Variants in TBX21 observed in about 807,000 individuals in gnomAD.
The protein encoded by TBX21 is T-box transcription factor 21.
A neutral mutation model predicts 52.2 loss-of-function variants in TBX21; 11 were observed. That is an observed-to-expected ratio of 0.21 (90% CI 0.13 to 0.35). The LOEUF is 0.35. Among genes scored for constraint, TBX21 ranks in the 10% least tolerant of loss-of-function variants. The probability of loss-of-function intolerance (pLI) is 1.00; values close to 1 mark genes in which losing one functional copy is unlikely to be tolerated. For synonymous variants in TBX21, 300 were observed against 316.1 expected (o/e 0.95, Z 0.54); for missense variants, 625 against 755.1 (o/e 0.83, Z 2.02).
chr17:47,741,980 AT>A (rs1424624552), intron 1 of TBX21, among the ~76,000 whole-genome samples: 5 of 152,150 alleles, frequency 3.3e-5, no homozygotes, highest in Non-Finnish European at 7.3e-5. Flanking sequence ...TACCTCCTCC[AT>A]GCAGCTGCGA....
rs1025932992 is a variant in TBX21, at chr17:47,739,258, C to T, written c.492-3352C>T. ...TGATTCTAGACTTTTAGGGAGAAAC[C>T]GAGATCTCCTTTCTCTTCTCCCTTT... On this transcript the variant is annotated intron_variant, in intron 1 of 5. Coordinates refer to ENST00000177694, the MANE Select transcript of TBX21 (RefSeq NM_013351.2). 9.2e-5 allele frequency among the ~76,000 whole-genome samples: 14 copies of T among 152,240 alleles called. No homozygotes were observed. The East Asian group carries it at 2.3e-3, about 25-fold the overall frequency.
chr17:47,738,318 C>A (rs149344685), intron 1 of TBX21, among the ~76,000 whole-genome samples: 1 of 151,938 alleles, frequency 6.6e-6, no homozygotes, highest in Non-Finnish European at 1.5e-5. Context: ...TCACCATGTC[C>A]GGCTAATTGT....
At chr17:47,740,404 T>G (rs1372125793) in intron 1 of TBX21, among the ~76,000 whole-genome samples, 1 of 152,128 alleles carries the variant, frequency 6.6e-6, no homozygotes, top group Non-Finnish European at 1.5e-5. Flanking sequence ...AGAGGAAAGA[T>G]GGACAGGAGT....
At chr17:47,741,716 C>T (rs749406362) in intron 1 of TBX21, among the ~76,000 whole-genome samples, 1 of 152,060 alleles carries the variant, frequency 6.6e-6, no homozygotes, top group East Asian at 1.9e-4. Context: ...GGAACTGAGG[C>T]GTGAGGACCT....
intron 3 of TBX21, 125 bp downstream of exon 3, chr17:47,743,317 G>C (rs559394882): frequency 7.4e-7 from 1 of 1,356,094 alleles, no homozygotes; most frequent in African/African-American, 1.5e-5. Context: ...CAGGAAGGAA[G>C]GTTCGTTTTT....
At chr17:47,735,346 G>A (rs1482731704) in intron 1 of TBX21, among the ~76,000 whole-genome samples, 2 of 152,178 alleles carry the variant, frequency 1.3e-5, no homozygotes, top group Admixed American at 6.5e-5. Context: ...GAAAGTTGGC[G>A]TGTTCTTTGA....
At chr17:47,743,339 A>C in intron 3 of TBX21, 147 bp downstream of exon 3, 1 of 1,123,960 alleles carries the variant, frequency 8.9e-7, no homozygotes, top group Non-Finnish European at 1.2e-6. Context: ...TTCTGTCCTA[A>C]ACGAAGGGTC....
At chr17:47,741,217 G>A (rs960868598) in intron 1 of TBX21, among the ~76,000 whole-genome samples, 1 of 151,894 alleles carries the variant, frequency 6.6e-6, no homozygotes, top group Non-Finnish European at 1.5e-5. Flanking sequence ...GGTGGTGCCC[G>A]TGCTGGTGCT....
chr17:47,736,264 A>G (rs1034410419), intron 1 of TBX21, among the ~76,000 whole-genome samples: 3 of 152,196 alleles, frequency 2.0e-5, no homozygotes, highest in South Asian at 2.1e-4. Flanking sequence ...ACAGTTGTCA[A>G]TATGGGTCCA....
intron 5 of TBX21, 86 bp from the exon 6 acceptor site, chr17:47,744,662 T>G (rs1597986366): frequency 6.3e-7 from 1 of 1,597,900 alleles, no homozygotes; most frequent in Non-Finnish European, 8.5e-7. Context: ...GGAAGGAGGG[T>G]CGGAGAAGGA....
chr17:47,740,283 G>C (rs909971906), intron 1 of TBX21, among the ~76,000 whole-genome samples: 2 of 152,014 alleles, frequency 1.3e-5, no homozygotes, highest in Non-Finnish European at 2.9e-5. Context: ...GGCCAGGCTG[G>C]TCTCGAACTC....
In TBX21 at chr17:47,733,294, G is replaced by A. The variant is rs1048062988; in HGVS notation, c.-161G>A. 3.0e-6 allele frequency: 3 copies of A among 1,013,304 alleles called. No individual in the cohort carries two copies. In the African/African-American group the frequency reaches 5.1e-5, roughly 17 times the overall value. 62.8% of individuals were successfully genotyped at this position (1,013,304 alleles called of 1,614,324 possible). ...AGCTGCCGCGCGCCTGCCGGACGAG[G>A]GCGTAGAAGCCAGGCGTCAGAGCCC... On this transcript the variant is annotated 5_prime_UTR_variant, in exon 1 of 6. Transcript: ENST00000177694. The surrounding 1 kb of genome is among the most constrained non-coding windows in gnomAD (Gnocchi z 6.6).
At chr17:47,739,639 G>T (rs1339134683) in intron 1 of TBX21, among the ~76,000 whole-genome samples, 2 of 151,954 alleles carry the variant, frequency 1.3e-5, no homozygotes, top group Non-Finnish European at 2.9e-5. Flanking sequence ...GGCGCCTGTA[G>T]TCCCAGCTAC....
intron 1 of TBX21, among the ~76,000 whole-genome samples, chr17:47,735,868 C>T (rs893223242): frequency 3.3e-5 from 5 of 152,210 alleles, no homozygotes; most frequent in African/African-American, 1.2e-4. Flanking sequence ...GACTTCCCAC[C>T]CTGGGCCCTT....
chr17:47,740,726 T>C (rs945880191), intron 1 of TBX21, among the ~76,000 whole-genome samples: 14 of 152,168 alleles, frequency 9.2e-5, no homozygotes, highest in African/African-American at 3.1e-4. Flanking sequence ...CGAAACTCCA[T>C]TTCAAAAAGA....
intron 3 of TBX21, 78 bp from the exon 4 acceptor site, chr17:47,744,117 G>A (rs1182796730): frequency 1.3e-6 from 2 of 1,561,670 alleles, no homozygotes; most frequent in East Asian, 4.5e-5. Flanking sequence ...CCTCACGTGG[G>A]GCCAGCTGTT....
In TBX21 at chr17:47,733,782, G is replaced by T. The variant is rs755733670; in HGVS notation, c.328G>T (p.Ala110Ser). 5 of 1,547,852 alleles carry T rather than the reference G, an allele frequency of 3.2e-6. No individual in the cohort carries two copies. In the South Asian group the frequency reaches 4.7e-5, roughly 15 times the overall value. Residue 110 changes from alanine to serine, a missense_variant, in exon 1 of 6, where the codon GCC becomes TCC. Ala to Ser is a moderately conservative substitution (Grantham distance 99, BLOSUM62 1). Transcript: ENST00000177694. This position sits in a 1 kb window ranked among gnomAD's most constrained non-coding sequence, Gnocchi z 6.6. ...CTACCAGCCGGGCGAGGGCTACGCC[G>T]CCCCGGACCCGCGCGCCGGGCTCTA... ...EGYQPGEGYA[A>S]PDPRAGLYPG...
chr17:47,733,637 C>G lies in TBX21; in HGVS notation c.183C>G (p.Gly61=). The change falls in exon 1 of 6, where the codon GGC becomes GGG. Residue 61 remains glycine, a synonymous_variant. Transcript: ENST00000177694. The surrounding 1 kb of genome is among the most constrained non-coding windows in gnomAD (Gnocchi z 6.6). The part of the protein sequence containing the change: ...GGSLGSPYPG[G]ALVPAPPSRF... ...GCCTGGGGTCTCCCTACCCGGGGGGCGCCTTGGTGCCCGCCCCGCCGAGCC... is the reference window on the plus strand; with the variant it reads ...GCCTGGGGTCTCCCTACCCGGGGGGGGCCTTGGTGCCCGCCCCGCCGAGCC... 1.4e-6 allele frequency: 2 copies of G among 1,447,684 alleles called. No individual in the cohort carries two copies. Among genetic ancestry groups the G allele is most frequent in the East Asian group, 3.0e-5 (1 of 32,862 alleles). 89.7% of individuals were successfully genotyped at this position (1,447,684 alleles called of 1,614,324 possible).
In TBX21 at chr17:47,742,682, C is replaced by A. The variant is rs372718508; in HGVS notation, c.564C>A (p.Asp188Glu). The part of the protein sequence containing the change: ...EPTSHYRMFV[D>E]VVLVDQHHWR... ...CCAGCCACTACAGGATGTTTGTGGA[C>A]GTGGTCTTGGTGGACCAGCACCACT... Residue 188 changes from aspartate (D) to glutamate (E), a missense_variant, in exon 2 of 6, where the codon GAC becomes GAA. Around this residue, in one of 4 missense-constraint regions of TBX21, gnomAD observed 142 missense variants for 258.5 expected, o/e 0.55. Transcript: ENST00000177694. The surrounding 1 kb of genome is among the most constrained non-coding windows in gnomAD (Gnocchi z 4.4). 4.4e-6 allele frequency: 7 copies of A among 1,601,502 alleles called. No individual in the cohort carries two copies. The South Asian group carries it at 7.9e-5, about 18-fold the overall frequency.
Sources: gnomAD v4.1 joint callset for allele counts (sites outside exome capture counted in the v4.1 genomes callset) on GRCh38, gnomAD v4.1.1 for gene constraint, gnomAD v4.1.1 regional missense constraint, Gnocchi (gnomAD v3.1) non-coding constraint, MANE v1.5 for transcripts, NCBI Gene and HGNC (gene_info 2026-07-23, HGNC 2026-07-21) for gene names.